The following GRM1 variants were observed in gnomAD, a reference collection of about 807,000 sequenced individuals.
The protein encoded by GRM1 is metabotropic glutamate receptor 1.
A neutral mutation model predicts 90.9 loss-of-function variants in GRM1; 33 were observed. The ratio of observed to expected loss-of-function variants is 0.36; its 90% confidence interval spans 0.28 to 0.49. The LOEUF (loss-of-function observed/expected upper bound fraction) is 0.49. Ranked by LOEUF, GRM1 falls within the 20% of genes least tolerant of loss-of-function variation. GRM1 has a pLI of 0.99. For synonymous variants in GRM1, 700 were observed against 613.2 expected, an observed-to-expected ratio of 1.14 and a Z score of -2.09; for missense variants, 1,190 against 1,534.3, an observed-to-expected ratio of 0.78 and a Z score of 3.75.
chr6:146,406,243 C>T (rs1022753165), intron 7 of GRM1, among the ~76,000 whole-genome samples: 1 of 152,138 alleles, frequency 6.6e-6, no homozygotes, highest in African/African-American at 2.4e-5. Flanking sequence ...AATGAAGCAC[C>T]AACTCTGAGG....
At chr6:146,213,358 C>T (rs919543739) in intron 2 of GRM1, among the ~76,000 whole-genome samples, 5 of 152,026 alleles carry the variant, frequency 3.3e-5, no homozygotes, top group African/African-American at 1.2e-4. Flanking sequence ...TAATCTTCAC[C>T]TGCAGAAAAT....
At chr6:146,159,798 C>T (rs1365070457) in intron 2 of GRM1, 8 of 558,464 alleles carry the variant, frequency 1.4e-5, no homozygotes, top group Non-Finnish European at 2.6e-5. Context: ...TCCTGCTAAA[C>T]AACAGCAGAA....
chr6:146,352,955 G>A (rs1401321792), intron 4 of GRM1, among the ~76,000 whole-genome samples: 1 of 152,186 alleles, frequency 6.6e-6, no homozygotes, highest in Non-Finnish European at 1.5e-5. Flanking sequence ...ACTAAGTCCT[G>A]CATATGTGTC....
intron 1 of GRM1, among the ~76,000 whole-genome samples, chr6:146,072,011 C>T (rs969311931): frequency 6.6e-6 from 1 of 152,090 alleles, no homozygotes; most frequent in African/African-American, 2.4e-5. Context: ...ATGCAGCATT[C>T]GTGACACTAG....
chr6:146,343,043 A>G (rs1785039621), intron 3 of GRM1, among the ~76,000 whole-genome samples: 1 of 149,908 alleles, frequency 6.7e-6, no homozygotes, highest in South Asian at 2.1e-4. Flanking sequence ...TTGTTTCCTT[A>G]GGCTTCCCTG....
intron 2 of GRM1, among the ~76,000 whole-genome samples, chr6:146,265,523 T>C (rs1781849801): frequency 6.6e-6 from 1 of 152,212 alleles, no homozygotes; most frequent in Non-Finnish European, 1.5e-5. Context: ...TCCAGAAACT[T>C]TTTAGTTTAG....
At chr6:146,322,344 G>A (rs1784223679) in intron 3 of GRM1, among the ~76,000 whole-genome samples, 1 of 152,140 alleles carries the variant, frequency 6.6e-6, no homozygotes, top group South Asian at 2.1e-4. Flanking sequence ...CTGCTGGGAG[G>A]TGTCTCCCAG....
At chr6:146,046,141 C>A (rs1248568340) in intron 1 of GRM1, among the ~76,000 whole-genome samples, 1 of 151,926 alleles carries the variant, frequency 6.6e-6, no homozygotes, top group East Asian at 1.9e-4. Context: ...TCCTGTGAGA[C>A]CCAAATAGTT....
At chr6:146,410,624 A>G (rs1053865401) in intron 7 of GRM1, among the ~76,000 whole-genome samples, 2 of 152,096 alleles carry the variant, frequency 1.3e-5, no homozygotes, top group African/African-American at 2.4e-5. Flanking sequence ...CCTTGGAGGT[A>G]GGGAAGGTCT....
chr6:146,125,096 T>A (rs909149898), intron 1 of GRM1, among the ~76,000 whole-genome samples: 1 of 152,140 alleles, frequency 6.6e-6, no homozygotes, highest in African/African-American at 2.4e-5. Flanking sequence ...CCCAGGCTAG[T>A]TTTTATATTT....
Position 146,399,535 on chromosome 6 carries a change from T to C in GRM1, c.2496T>C (p.Thr832=), listed in dbSNP as rs142675468. The C allele has an allele frequency of 5.1e-4, 821 of 1,614,076 alleles. 5 individuals carry two copies. In the African/African-American group the frequency reaches 9.7e-3, roughly 19 times the overall value. The change falls in exon 7 of 8, where the codon ACT becomes ACC. Residue 832 remains threonine (T), a synonymous_variant. Transcript: ENST00000282753. This position sits in a 1 kb window ranked among gnomAD's most constrained non-coding sequence, Gnocchi z 5.4. The stretch of plus-strand genomic sequence containing the variant: ...CAGTGGCTCTGGGGTGCATGTTCAC[T>C]CCCAAGATGTACATCATTATTGCCA... ...SVTVALGCMF[T]PKMYIIIAKP...
At chr6:146,064,284 G>A (rs1335043919) in intron 1 of GRM1, among the ~76,000 whole-genome samples, 4 of 152,162 alleles carry the variant, frequency 2.6e-5, no homozygotes, top group Admixed American at 1.3e-4. Context: ...GATTGCAGCT[G>A]TGTATTTTCC....
chr6:146,077,137 G>A (rs554216228), intron 1 of GRM1, among the ~76,000 whole-genome samples: 1 of 152,150 alleles, frequency 6.6e-6, no homozygotes, highest in South Asian at 2.1e-4. Flanking sequence ...TGTGATTGAA[G>A]CTACAGTATG....
chr6:146,300,017 G>A lies in GRM1; in HGVS notation c.951-4594G>A, dbSNP rs573318304. 2.6e-5 allele frequency among the ~76,000 whole-genome samples: 4 copies of A among 152,122 alleles called. No homozygotes were observed. In the South Asian group the frequency reaches 8.3e-4, roughly 32 times the overall value. ...ATATTTCTTCAACCGTTGTGAATAT[G>A]GTTAACATTGTAAATAAAAGAATGT... On this transcript the variant is annotated intron_variant, in intron 2 of 7. Coordinates refer to ENST00000282753, the MANE Select transcript of GRM1 (RefSeq NM_001278064.2).
intron 3 of GRM1, 142 bp from the exon 4 acceptor site, chr6:146,352,108 C>A (rs1785431566): frequency 1.3e-6 from 1 of 773,476 alleles, no homozygotes; most frequent in Non-Finnish European, 2.2e-6. Flanking sequence ...AAGTACAAAG[C>A]TTGCACAGGT....
intron 2 of GRM1, among the ~76,000 whole-genome samples, chr6:146,168,713 C>G (rs538791120): frequency 2.3e-4 from 35 of 151,896 alleles, no homozygotes; most frequent in Non-Finnish European, 4.7e-4. Flanking sequence ...AAGAAAAATG[C>G]CTAGTATAGA....
At position 146,437,159 on chromosome 6, in the gene GRM1, A is replaced by G. The variant is rs536432577; in HGVS notation, c.*2363A>G. The G allele has an allele frequency of 6.6e-6, 1 of 152,286 alleles. No individual in the cohort carries two copies. The allele number at this position is 152,286 out of a possible 1,614,324, so 9.4% of individuals were successfully genotyped here. A position where few individuals can be genotyped will look rare whatever the true frequency, so the allele number is the denominator to read the frequency against. ...AGGGAAAGCATATGATCTCTTTATT[A>G]GTGAATCATGCTTATTTTTTACTCT... On this transcript the variant is annotated 3_prime_UTR_variant, in exon 8 of 8. Coordinates refer to ENST00000282753, the MANE Select transcript of GRM1 (RefSeq NM_001278064.2).
At chr6:146,208,710 A>G (rs1191307989) in intron 2 of GRM1, among the ~76,000 whole-genome samples, 1 of 152,160 alleles carries the variant, frequency 6.6e-6, no homozygotes, top group Admixed American at 6.6e-5. Flanking sequence ...ACATAAACAG[A>G]CACACACAAA....
At chr6:146,048,726 C>T (rs1791421661) in intron 1 of GRM1, among the ~76,000 whole-genome samples, 3 of 151,924 alleles carry the variant, frequency 2.0e-5, no homozygotes, top group African/African-American at 4.8e-5. Context: ...AAGACACGCA[C>T]ACAGGAAGAA....
Sources: gnomAD v4.1 joint callset for allele counts (sites outside exome capture counted in the v4.1 genomes callset) on GRCh38, gnomAD v4.1.1 for gene constraint, Gnocchi (gnomAD v3.1) non-coding constraint, MANE v1.5 for transcripts, NCBI Gene and HGNC (gene_info 2026-07-23, HGNC 2026-07-21) for gene names.